The following SESTD1 variants were observed in gnomAD, a reference collection of about 807,000 sequenced individuals.
The protein encoded by SESTD1 is SEC14 domain and spectrin repeat-containing protein 1.
In SESTD1, 43 loss-of-function variants were observed where a neutral mutation model predicts 101.7. The observed-to-expected ratio is 0.42, with a 90% CI of 0.33 to 0.55. The LOEUF (loss-of-function observed/expected upper bound fraction) is 0.55, where lower values mean the gene tolerates loss of function less well. Ranked by LOEUF, SESTD1 falls within the 20% of genes least tolerant of loss-of-function variation. The pLI is 0.07. For synonymous variants in SESTD1, 283 were observed against 286.8 expected, an observed-to-expected ratio of 0.99 and a Z score of 0.13; for missense variants, 647 against 815.1, an observed-to-expected ratio of 0.79 and a Z score of 2.51.
At chr2:179,225,663 T>C (rs545521090) in intron 1 of SESTD1, among the ~76,000 whole-genome samples, 73 of 152,248 alleles carry the variant, frequency 4.8e-4, no homozygotes, top group Non-Finnish European at 8.1e-4. Flanking sequence ...TCATAGATGG[T>C]ATCGTCTAGG....
intron 1 of SESTD1, among the ~76,000 whole-genome samples, chr2:179,231,778 C>CA (rs1303296472): frequency 6.9e-6 from 1 of 145,936 alleles, no homozygotes; most frequent in African/African-American, 2.5e-5. Context: ...GCATACAAAG[C>CA]AAATAGAAAC....
chr2:179,116,437 C>G (rs1221266087), intron 15 of SESTD1: 5 of 578,782 alleles, frequency 8.6e-6, no homozygotes, highest in Admixed American at 8.5e-5. Flanking sequence ...TGCCGTAATA[C>G]ATAGCATAAA....
intron 1 of SESTD1, among the ~76,000 whole-genome samples, chr2:179,223,807 C>A (rs2046846282): frequency 2.0e-5 from 3 of 152,078 alleles, no homozygotes; most frequent in Non-Finnish European, 4.4e-5. Context: ...CATAGATTGT[C>A]CAAACTATCT....
chr2:179,187,822 A>C (rs2046257079), intron 2 of SESTD1, among the ~76,000 whole-genome samples: 1 of 152,162 alleles, frequency 6.6e-6, no homozygotes, highest in Non-Finnish European at 1.5e-5. Context: ...ACAATAATAA[A>C]ATAGGACAAA....
chr2:179,125,664 CTAAA>C (rs2044857995), intron 10 of SESTD1, among the ~76,000 whole-genome samples: 1 of 152,182 alleles, frequency 6.6e-6, no homozygotes, highest in African/African-American at 2.4e-5. Context: ...AAAGTTATGA[CTAAA>C]TAATCTCAAA....
chr2:179,126,231 T>C (rs1308673457), intron 10 of SESTD1, among the ~76,000 whole-genome samples: 2 of 152,222 alleles, frequency 1.3e-5, no homozygotes, highest in African/African-American at 4.8e-5. Context: ...GGATTTTGTT[T>C]TCCCACCCTT....
At chr2:179,117,469 T>C in intron 14 of SESTD1, 63 bp downstream of exon 14, 1 of 1,389,346 alleles carries the variant, frequency 7.2e-7, no homozygotes, top group Non-Finnish European at 9.8e-7. Context: ...CTTTTGTTTG[T>C]AGTTAGATAA....
intron 1 of SESTD1, among the ~76,000 whole-genome samples, chr2:179,230,127 T>C (rs1482330899): frequency 3.5e-5 from 2 of 56,462 alleles, no homozygotes; most frequent in East Asian, 7.5e-4. Flanking sequence ...TTTTTTTTTT[T>C]TTTTTTTTTT....
chr2:179,128,994 T>C (rs1475572828), intron 10 of SESTD1, among the ~76,000 whole-genome samples: 3 of 152,184 alleles, frequency 2.0e-5, no homozygotes, highest in Non-Finnish European at 4.4e-5. Context: ...CAGTGACGCA[T>C]ACTTGGTGAA....
Position 179,135,048 on chromosome 2 carries a change from G to A in SESTD1, c.850-2622C>T, listed in dbSNP as rs190386477. On this transcript the variant is annotated intron_variant, in intron 9 of 17. Coordinates refer to ENST00000428443, the MANE Select transcript of SESTD1 (RefSeq NM_178123.5). The stretch of plus-strand genomic sequence containing the variant: ...CAACCTCTGCCTCCCAGGTTCAAGC[G>A]ATTCTCCTGTCTCAGCCTCCTGAGT... 4.6e-5 allele frequency among the ~76,000 whole-genome samples: 7 copies of A among 152,166 alleles called. No individual in the cohort carries two copies. The South Asian group carries it at 1.0e-3, about 23-fold the overall frequency.
intron 9 of SESTD1, among the ~76,000 whole-genome samples, chr2:179,133,927 AACAAT>A (rs150979561): frequency 0.01 from 1,570 of 152,322 alleles, 28 homozygotes; most frequent in African/African-American, 0.035. Context: ...ACAAAAAAAT[AACAAT>A]ACAACAATTT....
intron 2 of SESTD1, among the ~76,000 whole-genome samples, chr2:179,190,134 T>C (rs2046299223): frequency 6.6e-6 from 1 of 152,118 alleles, no homozygotes; most frequent in African/African-American, 2.4e-5. Flanking sequence ...GATACTACAT[T>C]ACCTGTCTTC....
intron 1 of SESTD1, among the ~76,000 whole-genome samples, chr2:179,224,782 T>C (rs1457070136): frequency 1.3e-5 from 2 of 152,170 alleles, no homozygotes; most frequent in African/African-American, 2.4e-5. Context: ...GTTGAACACA[T>C]GGAGGTTTCT....
At chr2:179,231,321 T>C (rs1285942614) in intron 1 of SESTD1, among the ~76,000 whole-genome samples, 1 of 150,730 alleles carries the variant, frequency 6.6e-6, no homozygotes, top group Admixed American at 6.6e-5. Flanking sequence ...CTGAAGAAAA[T>C]GGAAAAAGAG....
intron 10 of SESTD1, among the ~76,000 whole-genome samples, chr2:179,127,766 A>T (rs968439995): frequency 1.3e-5 from 2 of 152,172 alleles, no homozygotes; most frequent in African/African-American, 4.8e-5. Flanking sequence ...TTTATCAGTT[A>T]TTGTTTGGAT....
At chr2:179,221,506 G>A (rs541003347) in intron 1 of SESTD1, among the ~76,000 whole-genome samples, 6 of 151,696 alleles carry the variant, frequency 4.0e-5, no homozygotes, top group African/African-American at 9.7e-5. Flanking sequence ...CCAGCTACTC[G>A]GGAGGCTGAG....
intron 1 of SESTD1, among the ~76,000 whole-genome samples, chr2:179,196,285 G>T (rs534996761): frequency 1.3e-5 from 2 of 152,204 alleles, no homozygotes; most frequent in African/African-American, 4.8e-5. Flanking sequence ...ATTACATCCC[G>T]CACCTGGCTC....
chr2:179,180,526 T>C (rs2046090431), intron 3 of SESTD1, among the ~76,000 whole-genome samples: 1 of 152,138 alleles, frequency 6.6e-6, no homozygotes, highest in Non-Finnish European at 1.5e-5. Context: ...ATGCTGGGCC[T>C]GATCTGCTAG....
intron 9 of SESTD1, among the ~76,000 whole-genome samples, chr2:179,132,950 CTACTA>C (rs1220670501): frequency 6.6e-6 from 1 of 152,132 alleles, no homozygotes; most frequent in Non-Finnish European, 1.5e-5. Flanking sequence ...ACTGAATTAA[CTACTA>C]TAAAGTTAAT....
Sources: gnomAD v4.1 joint callset for allele counts (sites outside exome capture counted in the v4.1 genomes callset) on GRCh38, gnomAD v4.1.1 for gene constraint, MANE v1.5 for transcripts, NCBI Gene and HGNC (gene_info 2026-07-23, HGNC 2026-07-21) for gene names.